The following BAG3 variants were observed in gnomAD, a reference collection of about 807,000 sequenced individuals.
BAG3 encodes BAG cochaperone 3.
Under a neutral mutation model 40.5 loss-of-function variants are expected in BAG3, and 14 were observed. The observed-to-expected ratio is 0.35, with a 90% CI of 0.23 to 0.54. The LOEUF (loss-of-function observed/expected upper bound fraction) is 0.54, where lower values mean the gene tolerates loss of function less well. Among genes scored for constraint, BAG3 ranks in the 20% least tolerant of loss-of-function variants. BAG3 has a pLI of 0.91. For synonymous variants in BAG3, 302 were observed against 307.8 expected (o/e 0.98, Z 0.20); for missense variants, 788 against 758.6 (o/e 1.04, Z -0.46).
Position 119,672,531 on chromosome 10 carries a change from G to A in BAG3, c.784G>A (p.Ala262Thr), listed in dbSNP as rs876661343. 6.2e-7 allele frequency: 1 copy of A among 1,613,922 alleles called. No individual in the cohort carries two copies. Among genetic ancestry groups the A allele is most frequent in the Non-Finnish European group, 8.5e-7 (1 of 1,179,910 alleles). ...TGACTGGGAGCCCCGGCCCCTGCGG[G>A]CGGCATCCCCGTTCAGGTCATCTGT... ...GDDWEPRPLR[A>T]ASPFRSSVQG... The change falls in exon 3 of 4, where the codon GCG becomes ACG. Residue 262 changes from alanine to threonine, a missense_variant. Ala to Thr is a moderately conservative substitution (Grantham distance 58). Transcript: ENST00000369085. This position sits in a 1 kb window ranked among gnomAD's most constrained non-coding sequence, Gnocchi z 4.8.
chr10:119,657,878 CG>C (rs1490661527), intron 1 of BAG3, among the ~76,000 whole-genome samples: 1 of 152,144 alleles, frequency 6.6e-6, no homozygotes, highest in Non-Finnish European at 1.5e-5. Flanking sequence ...AATTTTTTTT[CG>C]TGTGGCTGGC....
intron 3 of BAG3, among the ~76,000 whole-genome samples, chr10:119,675,784 TC>T (rs1222783375): frequency 3.5e-3 from 42 of 12,072 alleles, no homozygotes; most frequent in East Asian, 5.0e-3. Flanking sequence ...TCCCTCCCCC[TC>T]CCTTCCCCCC....
At chr10:119,658,357 C>T (rs530073891) in intron 1 of BAG3, among the ~76,000 whole-genome samples, 4 of 152,316 alleles carry the variant, frequency 2.6e-5, no homozygotes, top group South Asian at 2.1e-4. Flanking sequence ...GTGTCTTCCC[C>T]GGTTCTGACA....
At chr10:119,670,646 G>C (rs1254393438) in intron 2 of BAG3, among the ~76,000 whole-genome samples, 1 of 152,132 alleles carries the variant, frequency 6.6e-6, no homozygotes, top group Non-Finnish European at 1.5e-5. Context: ...GAGCTATGTT[G>C]ACAGGAAAAT....
At chr10:119,661,092 T>A (rs979890800) in intron 1 of BAG3, among the ~76,000 whole-genome samples, 1 of 146,692 alleles carries the variant, frequency 6.8e-6, no homozygotes, top group East Asian at 2.0e-4. Flanking sequence ...AATCTTCGTC[T>A]CAAAAACAAA....
chr10:119,665,135 TATATATATA>T (rs1847045269), intron 1 of BAG3, among the ~76,000 whole-genome samples: 5 of 80,422 alleles, frequency 6.2e-5, no homozygotes, highest in African/African-American at 1.5e-4. Flanking sequence ...TGTATATATA[TATATATATA>T]TTTTTTTTTT....
chr10:119,662,395 TTTTG>T (rs891211884), intron 1 of BAG3, among the ~76,000 whole-genome samples: 4 of 151,876 alleles, frequency 2.6e-5, no homozygotes, highest in African/African-American at 9.7e-5. Flanking sequence ...AGAAAGTGTG[TTTTG>T]TTTGTTTCCT....
Position 119,672,082 on chromosome 10 carries a change from C to T in BAG3, c.508-173C>T, listed in dbSNP as rs1847157219. ...GGGATTACAGGTGTGAGCCACCGCG[C>T]CCAGCCCCAGAGCTCTCAGTCTTAA... On this transcript the variant is annotated intron_variant, in intron 2 of 3. Transcript: ENST00000369085. The surrounding 1 kb of genome is among the most constrained non-coding windows in gnomAD (Gnocchi z 4.8). Among the ~76,000 whole-genome samples the T allele has an allele frequency of 6.6e-6, 1 of 152,210 alleles. No individual in the cohort carries two copies. The highest frequency in any genetic ancestry group is 2.4e-5 in the African/African-American group (1 of 41,452).
intron 2 of BAG3, among the ~76,000 whole-genome samples, chr10:119,671,613 G>A (rs1309022234): frequency 6.6e-6 from 1 of 152,150 alleles, no homozygotes; most frequent in Non-Finnish European, 1.5e-5. Flanking sequence ...TGGGGCTGAG[G>A]CACATGCCCA....
chr10:119,671,172 G>A (rs1385977646), intron 2 of BAG3, among the ~76,000 whole-genome samples: 1 of 152,164 alleles, frequency 6.6e-6, no homozygotes, highest in Non-Finnish European at 1.5e-5. Flanking sequence ...GCCGGGCATG[G>A]TGGCACATTC....
In BAG3 at chr10:119,676,772, A is replaced by G; in HGVS notation, c.1218A>G (p.Thr406=). 6.2e-7 allele frequency: 1 copy of G among 1,614,102 alleles called. No homozygotes were observed. Among genetic ancestry groups the G allele is most frequent in the East Asian group, 2.2e-5 (1 of 44,878 alleles). Reference sequence around the variant, plus strand: ...CCAGCACTGCCCCTGCAGAAGCTACACCTCCAAAACCAGGAGAAGCCGAGG... The same window carrying G: ...CCAGCACTGCCCCTGCAGAAGCTACGCCTCCAAAACCAGGAGAAGCCGAGG... ...AAPSTAPAEA[T]PPKPGEAEAP... Residue 406 remains threonine (T), a synonymous_variant, in exon 4 of 4, where the codon ACA becomes ACG. Transcript: ENST00000369085.
chr10:119,657,164 CTT>C (rs371796017), intron 1 of BAG3, among the ~76,000 whole-genome samples: 24 of 152,284 alleles, frequency 1.6e-4, no homozygotes, highest in African/African-American at 5.8e-4. Context: ...GGGCCCGACT[CTT>C]TACTCACTCC....
intron 1 of BAG3, 147 bp downstream of exon 1, chr10:119,652,002 C>A: frequency 3.2e-6 from 2 of 632,310 alleles, no homozygotes; most frequent in Non-Finnish European, 2.1e-6. Context: ...CCGCGCCCCG[C>A]CACACACTCC....
In BAG3 at chr10:119,669,992, G is replaced by A. The variant is rs730880053; in HGVS notation, c.322G>A (p.Val108Met). 13 of 1,614,126 alleles carry A rather than the reference G, an allele frequency of 8.1e-6. No individual in the cohort carries two copies. The highest frequency in any genetic ancestry group is 1.1e-5 in the Non-Finnish European group (13 of 1,180,056). ...VLHEGAENRQ[V>M]HPFHVYPQPG... ...CCATGAAGGCGCTGAGAACCGGCAG[G>A]TGCACCCTTTCCATGTCTATCCCCA... Residue 108 changes from valine to methionine, a missense_variant, in exon 2 of 4, where the codon GTG becomes ATG. By Grantham distance (21) the Val-to-Met change is conservative. Coordinates refer to ENST00000369085, the MANE Select transcript of BAG3 (RefSeq NM_004281.4).
chr10:119,656,279 C>G (rs2059379549), intron 1 of BAG3, among the ~76,000 whole-genome samples: 1 of 152,124 alleles, frequency 6.6e-6, no homozygotes, highest in Non-Finnish European at 1.5e-5. Flanking sequence ...TCACACTTGA[C>G]CGTGTTATTC....
chr10:119,659,709 T>C (rs1367678625), intron 1 of BAG3, among the ~76,000 whole-genome samples: 1 of 152,220 alleles, frequency 6.6e-6, no homozygotes, highest in Admixed American at 6.5e-5. Context: ...TCCTGTACAC[T>C]GAGACCTAAC....
chr10:119,677,176 A>G lies in BAG3; in HGVS notation c.1622A>G (p.Asn541Ser). 6.2e-7 allele frequency: 1 copy of G among 1,614,160 alleles called. No homozygotes were observed. The highest frequency in any genetic ancestry group is 8.5e-7 in the Non-Finnish European group (1 of 1,180,004). The change falls in exon 4 of 4, where the codon AAT (asparagine) becomes AGT (serine). Residue 541 changes from asparagine to serine, a missense_variant. Coordinates refer to ENST00000369085, the MANE Select transcript of BAG3 (RefSeq NM_004281.4). ...GACAAGGGCAAGAAAAATGCTGGAAATGCAGAAGATCCCCACACAGAAACC... is the reference window on the plus strand; with the variant it reads ...GACAAGGGCAAGAAAAATGCTGGAAGTGCAGAAGATCCCCACACAGAAACC... ...AADKGKKNAG[N>S]AEDPHTETQQ...
At chr10:119,659,408 G>T (rs1846961703) in intron 1 of BAG3, among the ~76,000 whole-genome samples, 2 of 152,208 alleles carry the variant, frequency 1.3e-5, no homozygotes, top group African/African-American at 4.8e-5. Context: ...CCACCTTACT[G>T]AGGGGCCGAT....
intron 1 of BAG3, among the ~76,000 whole-genome samples, chr10:119,663,030 ATAAAG>A (rs1478870497): frequency 6.6e-6 from 1 of 152,016 alleles, no homozygotes; most frequent in Non-Finnish European, 1.5e-5. Flanking sequence ...TAAAAATAAA[ATAAAG>A]AGCACTGTAC....
Sources: allele counts gnomAD v4.1 joint callset (sites outside exome capture counted in the v4.1 genomes callset), GRCh38; gene constraint gnomAD v4.1.1; non-coding constraint Gnocchi (gnomAD v3.1); transcripts MANE v1.5; gene names NCBI Gene and HGNC (gene_info 2026-07-23, HGNC 2026-07-21).